ZNF772: variants seen among roughly 807,000 people sequenced by gnomAD.
ZNF772 encodes the protein zinc finger protein 772.
Under a neutral mutation model 11.0 loss-of-function variants are expected in ZNF772, and 8 were observed. That is an observed-to-expected ratio of 0.73 (90% CI 0.43 to 1.31). ZNF772 has a LOEUF of 1.31. Ranked by LOEUF, ZNF772 falls within the 50% of genes most tolerant of loss-of-function variation. ZNF772 has a pLI of 0.01. For missense variants in ZNF772, 496 were observed against 552.3 expected (o/e 0.90, Z 1.02); for synonymous variants, 155 against 180.4 (o/e 0.86, Z 1.13).
In ZNF772 at chr19:57,476,606, G is replaced by A. The variant is rs141416776; in HGVS notation, c.72+28C>T. On this transcript the variant is annotated intron_variant, in intron 2 of 3. Transcript: ENST00000356584. ...GAGCGTATTGGGTGGGGGTGGGATC[G>A]GTGAGAGCATGGACATTCTCCCCTC... 2,509 of 1,612,812 alleles carry A rather than the reference G, an allele frequency of 1.6e-3. 3 individuals carry two copies. The highest frequency in any genetic ancestry group is 1.9e-3 in the Non-Finnish European group (2,281 of 1,178,840).
Position 57,477,403 on chromosome 19 carries a change from G to A in ZNF772, c.-94C>T, listed in dbSNP as rs1353463746. 1.9e-5 allele frequency: 27 copies of A among 1,426,282 alleles called. No individual in the cohort carries two copies. Among genetic ancestry groups the A allele is most frequent in the Non-Finnish European group, 9.8e-7 (1 of 1,024,210 alleles). The allele number at this position is 1,426,282 out of a possible 1,614,324, so 88.4% of individuals were successfully genotyped here. On this transcript the variant is annotated 5_prime_UTR_variant, in exon 1 of 4. Coordinates refer to ENST00000356584, the MANE Select transcript of ZNF772 (RefSeq NM_001144068.2). Reference sequence around the variant, plus strand: ...CCAGCGGCTAGGTCACTCAGGCAGCGCCACTGTCAAGCCTCAGGCCCACCT... The same window carrying A: ...CCAGCGGCTAGGTCACTCAGGCAGCACCACTGTCAAGCCTCAGGCCCACCT...
chr19:57,477,560 A>C lies in ZNF772; in HGVS notation c.-251T>G, dbSNP rs1351496842. 2.2e-6 allele frequency: 1 copy of C among 453,814 alleles called. No homozygotes were observed. The highest frequency in any genetic ancestry group is 3.9e-6 in the Non-Finnish European group (1 of 253,650). 28.1% of individuals were successfully genotyped at this position (453,814 alleles called of 1,614,324 possible). A position where few individuals can be genotyped will look rare whatever the true frequency, so the allele number is the denominator to read the frequency against. On this transcript the variant is annotated 5_prime_UTR_variant, in exon 1 of 4. Coordinates refer to ENST00000356584, the MANE Select transcript of ZNF772 (RefSeq NM_001144068.2). ...AATGTCCACCCGAGGATGGTAGAGG[A>C]AGTCCCGCCCTGACGTTGGTGAGGA... is the stretch of plus-strand genomic sequence containing the variant.
At chr19:57,476,446 G>T in intron 2 of ZNF772, 188 bp downstream of exon 2, 1 of 656,890 alleles carries the variant, frequency 1.5e-6, no homozygotes, top group Non-Finnish European at 2.7e-6. Context: ...TCCAATGGTT[G>T]GCAGAAATGG....
At chr19:57,476,422 C>A (rs537743313) in intron 2 of ZNF772, 11 of 598,724 alleles carry the variant, frequency 1.8e-5, no homozygotes, top group African/African-American at 1.5e-4. Context: ...CCTGGAACAA[C>A]CTTCCAACCT....
At chr19:57,476,380 C>T (rs2089283432) in intron 2 of ZNF772, 1 of 526,002 alleles carries the variant, frequency 1.9e-6, no homozygotes, top group Non-Finnish European at 3.4e-6. Flanking sequence ...TCAGTCTCAC[C>T]TCTAAGTATT....
Position 57,473,474 on chromosome 19 carries a change from G to A in ZNF772, c.1147C>T (p.His383Tyr). 1 of 1,614,184 alleles carries A rather than the reference G, an allele frequency of 6.2e-7. No homozygotes were observed. The highest frequency in any genetic ancestry group is 8.5e-7 in the Non-Finnish European group (1 of 1,180,028). Residue 383 changes from histidine (H) to tyrosine (Y), a missense_variant, in exon 4 of 4, where the codon CAT (histidine) becomes TAT (tyrosine). His to Tyr is a moderately conservative substitution (Grantham distance 83). Transcript: ENST00000356584. ...FFSQSSDLIA[H>Y]QRVHNGEKPY... The stretch of plus-strand genomic sequence containing the variant: ...TTTTCACCATTATGAACTCTTTGAT[G>A]TGCAATAAGGTCAGAGCTTTGGCTA...
rs142150770 is a variant in ZNF772 at position 57,473,600 on chromosome 19, C to T, written c.1021G>A (p.Glu341Lys). The change falls in exon 4 of 4, where the codon GAA becomes AAA. Residue 341 changes from glutamate to lysine, a missense_variant. By Grantham distance (56) the Glu-to-Lys change is moderately conservative (BLOSUM62 1). Transcript: ENST00000356584. ...HTGERPYECS[E>K]CGKYFGHKYR... ...TTGTGACCAAAGTATTTTCCACATT[C>T]GCTGCACTCATATGGCCTTTCTCCA... 1.1e-3 allele frequency: 1,778 copies of T among 1,613,976 alleles called. 2 individuals carry two copies. Among genetic ancestry groups the T allele is most frequent in the Admixed American group, 1.8e-3 (108 of 60,006 alleles).
At position 57,473,871 on chromosome 19, in the gene ZNF772, T is replaced by TA. The variant is rs1359942946; in HGVS notation, c.749_750insT (p.Glu250AspfsTer5). On this transcript the variant is annotated frameshift_variant, in exon 4 of 4. Transcript: ENST00000356584. LOFTEE classifies it low-confidence loss of function (END_TRUNC). ...CACATTCACCGCACTCATAAGGCCTTTCTCCAGTGTGGACTCTCTGGTGTT... is the reference window on the plus strand; with the variant it reads ...CACATTCACCGCACTCATAAGGCCTTATCTCCAGTGTGGACTCTCTGGTGTT... The TA allele has an allele frequency of 1.3e-5, 21 of 1,614,216 alleles. No homozygotes were observed. The highest frequency in any genetic ancestry group is 1.8e-5 in the Non-Finnish European group (21 of 1,180,034).
rs994459073 is a variant in ZNF772 at position 57,472,249 on chromosome 19, G to T, written c.*1025C>A. The T allele has an allele frequency of 2.2e-6, 1 of 448,754 alleles. No homozygotes were observed. Among genetic ancestry groups the T allele is most frequent in the Admixed American group, 2.4e-5 (1 of 41,140 alleles). The allele number at this position is 448,754 out of a possible 1,614,324, so 27.8% of individuals were successfully genotyped here. ...ATGATTCCTACCTGGGCCTTCTGGA[G>T]GACAGCCAATATCAACTGCCTACTG... On this transcript the variant is annotated 3_prime_UTR_variant, in exon 4 of 4. Coordinates refer to ENST00000356584, the MANE Select transcript of ZNF772 (RefSeq NM_001144068.2).
rs978866157 is a variant in ZNF772, at chr19:57,470,312, G to C, written c.*2962C>G. On this transcript the variant is annotated 3_prime_UTR_variant, in exon 4 of 4. Coordinates refer to ENST00000356584, the MANE Select transcript of ZNF772 (RefSeq NM_001144068.2). ...CAGGAGGCAGAGCTTGCAGTGAGCC[G>C]AGATCGCGCCACTGCACTCCAACCT... 6.6e-6 allele frequency: 1 copy of C among 152,046 alleles called. No homozygotes were observed. The highest frequency in any genetic ancestry group is 2.1e-4 in the South Asian group (1 of 4,826). 9.4% of individuals were successfully genotyped at this position (152,046 alleles called of 1,614,324 possible).
rs2089298326 is a variant in ZNF772 at position 57,477,452 on chromosome 19, C to T, written c.-143G>A. On this transcript the variant is annotated 5_prime_UTR_variant, in exon 1 of 4. Transcript: ENST00000356584. ...CTCTCTTCAGGGAAGAAGACACTCT[C>T]TCACGTTTTCCCTTTTCTGTCACCT... 1 of 792,156 alleles carries T rather than the reference C, an allele frequency of 1.3e-6. No homozygotes were observed. Among genetic ancestry groups the T allele is most frequent in the Admixed American group, 2.9e-5 (1 of 34,544 alleles). The allele number at this position is 792,156 out of a possible 1,614,324, so 49.1% of individuals were successfully genotyped here.
At position 57,475,571 on chromosome 19, in the gene ZNF772, C is replaced by T; in HGVS notation, c.199+89G>A. The T allele has an allele frequency of 2.5e-6, 4 of 1,593,862 alleles. No individual in the cohort carries two copies. The highest frequency in any genetic ancestry group is 1.7e-4 in the Middle Eastern group (1 of 5,956). On this transcript the variant is annotated intron_variant, in intron 3 of 3. Coordinates refer to ENST00000356584, the MANE Select transcript of ZNF772 (RefSeq NM_001144068.2). This position sits in a 1 kb window ranked among gnomAD's most constrained non-coding sequence, Gnocchi z 4.2. ...CTAAGAAATGAGACAGTGTCCACGG[C>T]TCTGATGTAGGAAGGACAAAGATGC...
At position 57,470,817 on chromosome 19, in the gene ZNF772, A is replaced by C. The variant is rs2089205169; in HGVS notation, c.*2457T>G. 1 of 152,178 alleles carries C rather than the reference A, an allele frequency of 6.6e-6. No homozygotes were observed. Among genetic ancestry groups the C allele is most frequent in the Non-Finnish European group, 1.5e-5 (1 of 68,018 alleles). 9.4% of individuals were successfully genotyped at this position (152,178 alleles called of 1,614,324 possible). On this transcript the variant is annotated 3_prime_UTR_variant, in exon 4 of 4. Transcript: ENST00000356584. The stretch of plus-strand genomic sequence containing the variant: ...ACTCCTTGAAAGACACAAACCATCA[A>C]AGCTCACTCTAGAGATAGATGGATG...
chr19:57,473,684 C>G lies in ZNF772; in HGVS notation c.937G>C (p.Glu313Gln). 1 of 1,613,874 alleles carries G rather than the reference C, an allele frequency of 6.2e-7. No homozygotes were observed. The highest frequency in any genetic ancestry group is 8.5e-7 in the Non-Finnish European group (1 of 1,179,958). ...TTGTGACTATAGGCTTTCCCACATTCACTGCACTTGTAAGGCCTTGCTCCA... is the reference window on the plus strand; with the variant it reads ...TTGTGACTATAGGCTTTCCCACATTGACTGCACTTGTAAGGCCTTGCTCCA... ...HTGARPYKCSECGKAYSHKST... is the reference protein window; with the variant it reads ...HTGARPYKCSQCGKAYSHKST... Residue 313 changes from glutamate (E) to glutamine (Q), a missense_variant, in exon 4 of 4, where the codon GAA (glutamate) becomes CAA (glutamine). Glu to Gln is a conservative substitution (Grantham distance 29). Coordinates refer to ENST00000356584, the MANE Select transcript of ZNF772 (RefSeq NM_001144068.2).
In ZNF772 at chr19:57,472,301, T is replaced by G. The variant is rs2089224378; in HGVS notation, c.*973A>C. 5.1e-6 allele frequency: 2 copies of G among 389,252 alleles called. No individual in the cohort carries two copies. The highest frequency in any genetic ancestry group is 7.3e-4 in the Middle Eastern group (2 of 2,748). 24.1% of individuals were successfully genotyped at this position (389,252 alleles called of 1,614,324 possible). ...AAAATAGACTTCAGAGATCTTGACA[T>G]GTCCACTGAGTTCAAATTCTCCTCA... On this transcript the variant is annotated 3_prime_UTR_variant, in exon 4 of 4. Coordinates refer to ENST00000356584, the MANE Select transcript of ZNF772 (RefSeq NM_001144068.2).
intron 3 of ZNF772, among the ~76,000 whole-genome samples, chr19:57,474,746 G>T (rs1000279280): frequency 6.6e-6 from 1 of 152,232 alleles, no homozygotes; most frequent in East Asian, 1.9e-4. Flanking sequence ...CCATACCAAA[G>T]AAAATCAAAT....
intron 3 of ZNF772, among the ~76,000 whole-genome samples, chr19:57,474,861 G>T (rs951311550): frequency 1.3e-5 from 2 of 152,232 alleles, no homozygotes; most frequent in Non-Finnish European, 2.9e-5. Flanking sequence ...CCATGGAGAG[G>T]AACAGGTGAG....
At chr19:57,476,738 T>C in intron 1 of ZNF772, 66 bp from the exon 2 acceptor site, 1 of 1,397,548 alleles carries the variant, frequency 7.2e-7, no homozygotes, top group South Asian at 1.4e-5. Context: ...CTCAACCCCA[T>C]CCCATATTCC....
rs1450741595 is a variant in ZNF772 at position 57,474,043 on chromosome 19, C to T, written c.578G>A (p.Ser193Asn). The change falls in exon 4 of 4, where the codon AGC becomes AAC. Residue 193 changes from serine to asparagine, a missense_variant. Physicochemically the swap from Ser to Asn is conservative, Grantham distance 46 (BLOSUM62 1). Transcript: ENST00000356584. Reference protein sequence around the residue: ...TGEACKDFLASSSIFEHHAPH... With the variant: ...TGEACKDFLANSSIFEHHAPH... Reference sequence around the variant, plus strand: ...GGCATGGTGCTCGAAAATGCTTGAGCTGGCTAGGAAGTCCTTACAAGCCTC... The same window carrying T: ...GGCATGGTGCTCGAAAATGCTTGAGTTGGCTAGGAAGTCCTTACAAGCCTC... The T allele has an allele frequency of 6.2e-7, 1 of 1,614,118 alleles. No individual in the cohort carries two copies. The highest frequency in any genetic ancestry group is 1.3e-5 in the African/African-American group (1 of 75,056).
Sources: allele counts gnomAD v4.1 joint callset (sites outside exome capture counted in the v4.1 genomes callset), GRCh38; gene constraint gnomAD v4.1.1; non-coding constraint Gnocchi (gnomAD v3.1); transcripts MANE v1.5; gene names NCBI Gene and HGNC (gene_info 2026-07-23, HGNC 2026-07-21).